Variants in RGS12 observed in about 807,000 individuals in gnomAD.
RGS12 encodes regulator of G-protein signaling 12.
Under a neutral mutation model 120.1 loss-of-function variants are expected in RGS12, and 66 were observed. The ratio of observed to expected loss-of-function variants is 0.55; its 90% CI spans 0.45 to 0.67. The LOEUF is 0.67. Ranked by LOEUF, RGS12 falls within the 30% of genes least tolerant of loss-of-function variation. RGS12 has a pLI of 0.00. For missense variants in RGS12, 1,859 were observed against 1,957.7 expected (o/e 0.95, Z 0.95); for synonymous variants, 827 against 804.7 (o/e 1.03, Z -0.47).
At chr4:3,369,868 T>G in intron 3 of RGS12, 1 of 268,114 alleles carries the variant, frequency 3.7e-6, no homozygotes, top group Non-Finnish European at 5.9e-6. Context: ...AGCTGGTGCA[T>G]GTGGAGGCTT....
chr4:3,307,269 T>C (rs1724026414), intron 1 of RGS12, among the ~76,000 whole-genome samples: 1 of 152,220 alleles, frequency 6.6e-6, no homozygotes, highest in South Asian at 2.1e-4. Context: ...TTAGGCAGAC[T>C]GTCTTGGACA....
At chr4:3,335,796 C>T (rs1050087449) in intron 2 of RGS12, among the ~76,000 whole-genome samples, 3 of 151,726 alleles carry the variant, frequency 2.0e-5, no homozygotes, top group African/African-American at 4.8e-5. Context: ...TCTAAAAATT[C>T]GAAAAAAACT....
At chr4:3,376,884 T>C (rs1717755369) in intron 3 of RGS12, among the ~76,000 whole-genome samples, 1 of 152,224 alleles carries the variant, frequency 6.6e-6, no homozygotes, top group Non-Finnish European at 1.5e-5. Context: ...TTCCGAGGCC[T>C]CAGTCTCAGC....
At position 3,368,707 on chromosome 4, in the gene RGS12, TGGG is replaced by T. The variant is rs58838586; in HGVS notation, c.1999-17706_1999-17704del. 1.1e-4 allele frequency among the ~76,000 whole-genome samples: 4 copies of T among 37,570 alleles called. No homozygotes were observed. The Admixed American group carries it at 1.7e-3, about 16-fold the overall frequency. The allele number at this position is 37,570 out of a possible 152,430, so 24.6% of individuals were successfully genotyped here. ...TGTGTGTGGGGGTGCCTGTGTGTGTTGGGGGTGCCTGTGTGTGTTGGGGGGTGC... is the reference window on the plus strand; with the variant it reads ...TGTGTGTGGGGGTGCCTGTGTGTGTTGGTGCCTGTGTGTGTTGGGGGGTGC... On this transcript the variant is annotated intron_variant, in intron 3 of 17. Transcript: ENST00000336727.
chr4:3,318,525 G>C lies in RGS12; in HGVS notation c.1881+474G>C, dbSNP rs1396565851. Among the ~76,000 whole-genome samples, 3 of 152,206 alleles carry C rather than the reference G, an allele frequency of 2.0e-5. 1 individual carries two copies. Among genetic ancestry groups the C allele is most frequent in the Admixed American group, 2.0e-4 (3 of 15,280 alleles). Reference sequence around the variant, plus strand: ...GTTCCTCGTGCTGTTTCCTCCATGGGGAATATCCTGTTGTGTAAAACACCA... The same window carrying C: ...GTTCCTCGTGCTGTTTCCTCCATGGCGAATATCCTGTTGTGTAAAACACCA... On this transcript the variant is annotated intron_variant, in intron 2 of 17. Transcript: ENST00000336727.
chr4:3,369,283 T>A (rs1176683563), intron 3 of RGS12, among the ~76,000 whole-genome samples: 2 of 152,352 alleles, frequency 1.3e-5, no homozygotes, highest in Admixed American at 1.3e-4. Flanking sequence ...GCAGCCATTG[T>A]GCATTTCTGA....
chr4:3,417,585 C>T, intron 9 of RGS12, 44 bp downstream of exon 9: 2 of 1,594,128 alleles, frequency 1.3e-6, no homozygotes, highest in African/African-American at 1.3e-5. Context: ...GGCCAGGCAG[C>T]CGCGTCCCCG....
At position 3,317,598 on chromosome 4, in the gene RGS12, C is replaced by T; in HGVS notation, c.1428C>T (p.Phe476=). 6.3e-7 allele frequency: 1 copy of T among 1,590,208 alleles called. No individual in the cohort carries two copies. Among genetic ancestry groups the T allele is most frequent in the Non-Finnish European group, 8.6e-7 (1 of 1,167,768 alleles). ...GGGGTGCTCCCTGGACTGGGCCCTTCTGTCCGGACCCCGAAGGGAGCCCCC... is the reference window on the plus strand; with the variant it reads ...GGGGTGCTCCCTGGACTGGGCCCTTTTGTCCGGACCCCGAAGGGAGCCCCC... ...QPWGAPWTGP[F]CPDPEGSPPF... The change falls in exon 2 of 18, where the codon TTC becomes TTT. Residue 476 remains phenylalanine (F), a synonymous_variant. Coordinates refer to ENST00000336727, the MANE Select transcript of RGS12 (RefSeq NM_001394154.1).
At chr4:3,326,047 A>G (rs1725534230) in intron 2 of RGS12, among the ~76,000 whole-genome samples, 1 of 152,212 alleles carries the variant, frequency 6.6e-6, no homozygotes, top group East Asian at 1.9e-4. Context: ...ATCTATGACA[A>G]ACCCACAGCC....
At chr4:3,392,156 C>G (rs1719569526) in intron 4 of RGS12, among the ~76,000 whole-genome samples, 1 of 152,150 alleles carries the variant, frequency 6.6e-6, no homozygotes, top group Non-Finnish European at 1.5e-5. Flanking sequence ...AAGGGCTTTT[C>G]TCAGGGACAG....
intron 1 of RGS12, among the ~76,000 whole-genome samples, chr4:3,302,404 TC>T (rs1434959206): frequency 6.6e-6 from 1 of 152,210 alleles, no homozygotes; most frequent in Non-Finnish European, 1.5e-5. Flanking sequence ...GGGGCTTGGC[TC>T]CCGCTCTTGT....
At chr4:3,310,798 C>T (rs1159152559) in intron 1 of RGS12, among the ~76,000 whole-genome samples, 5 of 152,042 alleles carry the variant, frequency 3.3e-5, no homozygotes, top group African/African-American at 1.2e-4. Flanking sequence ...CAGGCGCCTG[C>T]GGGGGCAGGT....
Position 3,437,399 on chromosome 4 carries a change from G to C in RGS12, c.4115-2056G>C, listed in dbSNP as rs112870095. Among the ~76,000 whole-genome samples, 1,419 of 152,310 alleles carry C rather than the reference G, an allele frequency of 9.3e-3. 8 individuals carry two copies. The highest frequency in any genetic ancestry group is 0.016 in the Non-Finnish European group (1,058 of 68,016). ...AGAGCCGGGCTTCTGGACATGTGTG[G>C]TGTTGCAGGCCCCTTCAGAGCCCTA... On this transcript the variant is annotated intron_variant, in intron 17 of 17. Transcript: ENST00000336727.
At chr4:3,438,755 C>T (rs964833842) in intron 17 of RGS12, among the ~76,000 whole-genome samples, 3 of 152,074 alleles carry the variant, frequency 2.0e-5, no homozygotes, top group Admixed American at 2.0e-4. Flanking sequence ...CCGGTTCAGG[C>T]AGCCGGGATC....
At chr4:3,415,775 A>C (rs1722325704) in intron 6 of RGS12, among the ~76,000 whole-genome samples, 1 of 152,220 alleles carries the variant, frequency 6.6e-6, no homozygotes, top group African/African-American at 2.4e-5. Flanking sequence ...GGACACTTTA[A>C]GTATCCGTTT....
At chr4:3,344,394 G>A (rs1344738232) in intron 3 of RGS12, among the ~76,000 whole-genome samples, 1 of 152,212 alleles carries the variant, frequency 6.6e-6, no homozygotes, top group Non-Finnish European at 1.5e-5. Context: ...GGCCTAGCTT[G>A]AGGCTGAGGA....
chr4:3,345,318 G>T (rs1229753272), intron 3 of RGS12, among the ~76,000 whole-genome samples: 1 of 152,164 alleles, frequency 6.6e-6, no homozygotes, highest in Non-Finnish European at 1.5e-5. Flanking sequence ...CTCCCTTCCT[G>T]GCCTTCTCTG....
At chr4:3,340,762 AGGTGCAGGCC>A (rs142221888) in intron 2 of RGS12, among the ~76,000 whole-genome samples, 30 of 150,906 alleles carry the variant, frequency 2.0e-4, no homozygotes, top group Admixed American at 4.7e-4. Flanking sequence ...AGGTGCAGGC[AGGTGCAGGCC>A]GGTGCAGGCC....
chr4:3,346,515 C>T (rs890558017), intron 3 of RGS12, among the ~76,000 whole-genome samples: 5 of 152,094 alleles, frequency 3.3e-5, no homozygotes, highest in African/African-American at 7.2e-5. Context: ...GTGTGGCCCA[C>T]GCATCAGGAA....
Sources: allele counts gnomAD v4.1 joint callset (sites outside exome capture counted in the v4.1 genomes callset), GRCh38; gene constraint gnomAD v4.1.1; transcripts MANE v1.5; gene names NCBI Gene and HGNC (gene_info 2026-07-23, HGNC 2026-07-21).